Variants in SRFBP1 observed in about 807,000 individuals in gnomAD.
SRFBP1 encodes serum response factor binding protein 1, also known as serum response factor-binding protein 1.
Under a neutral mutation model 45.5 loss-of-function variants are expected in SRFBP1, and 47 were observed. The ratio of observed to expected loss-of-function variants is 1.03; its 90% CI spans 0.82 to 1.32. The LOEUF is 1.32. Among genes scored for constraint, SRFBP1 ranks in the 40% most tolerant of loss-of-function variants. The probability of loss-of-function intolerance (pLI) is 0.00; values close to 1 mark genes in which losing one functional copy is unlikely to be tolerated. For missense variants in SRFBP1, 621 were observed against 484.6 expected (o/e 1.28, Z -2.64); for synonymous variants, 203 against 166.3 (o/e 1.22, Z -1.70).
chr5:122,050,431 G>C (rs1269091625), intron 2 of SRFBP1, among the ~76,000 whole-genome samples: 1 of 152,052 alleles, frequency 6.6e-6, no homozygotes. Context: ...CTTATTATTG[G>C]TCTATTCAGG....
chr5:121,992,344 T>C (rs762089926), intron 3 of SRFBP1, among the ~76,000 whole-genome samples: 2 of 151,908 alleles, frequency 1.3e-5, no homozygotes, highest in African/African-American at 2.4e-5. Context: ...CTTTCTCTTC[T>C]CCCCCCTCCA....
intron 4 of SRFBP1, among the ~76,000 whole-genome samples, chr5:122,009,541 T>A (rs1345864495): frequency 1.3e-5 from 2 of 152,240 alleles, no homozygotes; most frequent in African/African-American, 2.4e-5. Flanking sequence ...GATGTGATAT[T>A]TTAAAGCTCA....
chr5:122,000,860 T>A (rs550062095), intron 4 of SRFBP1, among the ~76,000 whole-genome samples: 12 of 152,280 alleles, frequency 7.9e-5, no homozygotes, highest in Admixed American at 2.6e-4. Flanking sequence ...TTTGCATTAA[T>A]TTTTATGATA....
rs76263513 is a variant in SRFBP1, at chr5:122,001,311, A to T, written c.270+6641A>T. Reference sequence around the variant, plus strand: ...CAGATTGGTAGCTAAATACTCATTCAGTCGATGTTTATGTGCAAATCAGCA... The same window carrying T: ...CAGATTGGTAGCTAAATACTCATTCTGTCGATGTTTATGTGCAAATCAGCA... On this transcript the variant is annotated intron_variant, in intron 4 of 7. Coordinates refer to ENST00000339397, the MANE Select transcript of SRFBP1 (RefSeq NM_152546.3). 5.2e-3 allele frequency among the ~76,000 whole-genome samples: 782 copies of T among 151,204 alleles called. 20 individuals carry two copies. In the East Asian group the frequency reaches 0.053, roughly 10 times the overall value.
intron 4 of SRFBP1, 68 bp downstream of exon 4, chr5:121,994,738 G>C: frequency 9.3e-7 from 1 of 1,073,656 alleles, no homozygotes; most frequent in Non-Finnish European, 1.3e-6. Flanking sequence ...CTTTTTTCTT[G>C]AAGAGAAAAC....
chr5:122,043,779 G>A (rs1039943804), intron 2 of SRFBP1, among the ~76,000 whole-genome samples: 1 of 152,010 alleles, frequency 6.6e-6, no homozygotes, highest in Non-Finnish European at 1.5e-5. Context: ...AGGTCTCTGT[G>A]GCAGCTACTC....
chr5:121,994,737 TGAAGA>T (rs1752685221), intron 4 of SRFBP1, 67 bp downstream of exon 4: 2 of 1,086,128 alleles, frequency 1.8e-6, no homozygotes, highest in South Asian at 1.6e-5. Context: ...ACTTTTTTCT[TGAAGA>T]GAAAACTTAC....
chr5:121,965,125 C>T lies in SRFBP1; in HGVS notation c.36+3057C>T, dbSNP rs887454775. Among the ~76,000 whole-genome samples the T allele has an allele frequency of 2.0e-5, 3 of 152,012 alleles. No homozygotes were observed. In the East Asian group the frequency reaches 5.8e-4, roughly 29 times the overall value. On this transcript the variant is annotated intron_variant, in intron 1 of 7. Coordinates refer to ENST00000339397, the MANE Select transcript of SRFBP1 (RefSeq NM_152546.3). ...GATGGATAGATTGCAAAAATTTTCT[C>T]CCATTCTGTAGGTTGCATGTTCACT...
chr5:121,966,909 A>G (rs1752082006), intron 1 of SRFBP1, among the ~76,000 whole-genome samples: 1 of 149,202 alleles, frequency 6.7e-6, no homozygotes, highest in Admixed American at 6.7e-5. Context: ...CCTCCCGACT[A>G]GCTGGGACTA....
intron 2 of SRFBP1, among the ~76,000 whole-genome samples, chr5:122,066,910 T>C (rs1480814024): frequency 6.6e-6 from 1 of 152,148 alleles, no homozygotes; most frequent in Non-Finnish European, 1.5e-5. Flanking sequence ...TACATCATTT[T>C]AATAATGGTT....
chr5:122,076,096 A>G (rs924695842), downstream of SRFBP1: 1 of 152,244 alleles, frequency 6.6e-6, no homozygotes, highest in East Asian at 1.9e-4. Flanking sequence ...AGGGAGTTCA[A>G]TGGTGTGAGT....
At chr5:122,017,102 G>T (rs182406713) in intron 4 of SRFBP1, among the ~76,000 whole-genome samples, 3 of 152,238 alleles carry the variant, frequency 2.0e-5, no homozygotes, top group Non-Finnish European at 1.5e-5. Flanking sequence ...GGTGGCGGGT[G>T]CCTGTAGTCC....
intron 1 of SRFBP1, among the ~76,000 whole-genome samples, chr5:121,966,961 T>G (rs1752083553): frequency 6.8e-6 from 1 of 146,478 alleles, no homozygotes; most frequent in African/African-American, 2.5e-5. Flanking sequence ...TTTTTTTTTT[T>G]TTTTTGTATT....
downstream of SRFBP1, among the ~76,000 whole-genome samples, chr5:122,031,457 A>G (rs1004456092): frequency 6.6e-6 from 1 of 152,172 alleles, no homozygotes; most frequent in Non-Finnish European, 1.5e-5. Context: ...AGACATTGAA[A>G]ACGCTATTTT....
chr5:122,049,188 A>G (rs1357807619), intron 2 of SRFBP1, among the ~76,000 whole-genome samples: 1 of 152,182 alleles, frequency 6.6e-6, no homozygotes. Flanking sequence ...AAGATCTACC[A>G]AGCAAATGGA....
intron 2 of SRFBP1, among the ~76,000 whole-genome samples, chr5:122,061,771 G>C (rs995955306): frequency 6.6e-6 from 1 of 151,852 alleles, no homozygotes; most frequent in Non-Finnish European, 1.5e-5. Context: ...ATGGTTTAGA[G>C]AGTTAAATAA....
At position 121,975,403 on chromosome 5, in the gene SRFBP1, G is replaced by T. The variant is rs761790958; in HGVS notation, c.198+16G>T. 28 of 1,611,640 alleles carry T rather than the reference G, an allele frequency of 1.7e-5. No individual in the cohort carries two copies. The highest frequency in any genetic ancestry group is 3.3e-4 in the Middle Eastern group (2 of 6,068). On this transcript the variant is annotated intron_variant, in intron 3 of 7. Transcript: ENST00000339397. ...TGCCATGAAGGTAAGGACTTGTGTG[G>T]GTGTGTATGTGTGTATGTTTCTGAG...
At chr5:122,023,209 C>T (rs762989915) in intron 7 of SRFBP1, among the ~76,000 whole-genome samples, 1 of 152,270 alleles carries the variant, frequency 6.6e-6, no homozygotes, top group Middle Eastern at 3.4e-3. Flanking sequence ...AGTGGAATTT[C>T]GTGAACACAT....
chr5:122,049,524 AC>A (rs1337361562), intron 2 of SRFBP1, among the ~76,000 whole-genome samples: 1 of 151,996 alleles, frequency 6.6e-6, no homozygotes, highest in East Asian at 1.9e-4. Flanking sequence ...CACTAAGCAG[AC>A]CTAATAGACA....
Sources: allele counts gnomAD v4.1 joint callset (sites outside exome capture counted in the v4.1 genomes callset), GRCh38; gene constraint gnomAD v4.1.1; transcripts MANE v1.5; gene names NCBI Gene and HGNC (gene_info 2026-07-23, HGNC 2026-07-21).